The following EPC1 variants were observed in gnomAD, a reference collection of about 807,000 sequenced individuals.
EPC1 encodes enhancer of polycomb 1.
EPC1 carries 12 observed loss-of-function variants against 98.4 expected under a neutral mutation model. That is an observed-to-expected ratio of 0.12 (90% confidence interval 0.08 to 0.20). EPC1 has a LOEUF of 0.20. Among genes scored for constraint, EPC1 ranks in the 10% least tolerant of loss-of-function variants. The pLI, the probability that EPC1 is intolerant of heterozygous loss-of-function variation, is 1.00. For synonymous variants in EPC1, 357 were observed against 363.9 expected (o/e 0.98, Z 0.21); for missense variants, 729 against 990.5 (o/e 0.74, Z 3.54).
chr10:32,320,048 ATG>A (rs1202699831), intron 1 of EPC1, among the ~76,000 whole-genome samples: 3 of 152,316 alleles, frequency 2.0e-5, no homozygotes, highest in Non-Finnish European at 4.4e-5. Flanking sequence ...GGAAAAACAT[ATG>A]TGTGTACATA....
At chr10:32,324,080 C>T (rs1189643279) in intron 1 of EPC1, among the ~76,000 whole-genome samples, 1 of 151,942 alleles carries the variant, frequency 6.6e-6, no homozygotes, top group Non-Finnish European at 1.5e-5. Flanking sequence ...GGACTACAGG[C>T]GCCCGCCACC....
intron 1 of EPC1, among the ~76,000 whole-genome samples, chr10:32,341,649 A>C (rs1299584150): frequency 6.6e-6 from 1 of 152,254 alleles, no homozygotes; most frequent in Non-Finnish European, 1.5e-5. Flanking sequence ...TGGTATACTG[A>C]AACAAAAGTT....
At chr10:32,300,594 T>G (rs1262299802) in intron 2 of EPC1, among the ~76,000 whole-genome samples, 1 of 151,854 alleles carries the variant, frequency 6.6e-6, no homozygotes, top group Non-Finnish European at 1.5e-5. Context: ...CCACCATGCC[T>G]GGCTAATTTT....
chr10:32,274,838 A>G (rs1375109255), intron 10 of EPC1, among the ~76,000 whole-genome samples: 1 of 152,228 alleles, frequency 6.6e-6, no homozygotes, highest in Non-Finnish European at 1.5e-5. Context: ...AAAATCTAAA[A>G]AAGTCAATGC....
chr10:32,304,900 CAG>C lies in EPC1; in HGVS notation c.313+870_313+871del, dbSNP rs1214942423. Reference sequence around the variant, plus strand: ...CGCCATTGCACTCTAGCCTGGGCAACAGAGTGAAACTCCGTCTTAAAAAAAAA... The same window carrying C: ...CGCCATTGCACTCTAGCCTGGGCAACAGTGAAACTCCGTCTTAAAAAAAAA... On this transcript the variant is annotated intron_variant, in intron 2 of 13. Coordinates refer to ENST00000319778, the MANE Select transcript of EPC1 (RefSeq NM_001272004.3). Among the ~76,000 whole-genome samples, 9 of 116,224 alleles carry C rather than the reference CAG, an allele frequency of 7.7e-5. No individual in the cohort carries two copies. In the South Asian group the frequency reaches 1.4e-3, roughly 18 times the overall value. The allele number at this position is 116,224 out of a possible 152,430, so 76.2% of individuals were successfully genotyped here. A position where few individuals can be genotyped will look rare whatever the true frequency, so the allele number is the denominator to read the frequency against.
At chr10:32,278,369 T>C (rs1235714178) in intron 10 of EPC1, among the ~76,000 whole-genome samples, 1 of 70,440 alleles carries the variant, frequency 1.4e-5, no homozygotes, top group Non-Finnish European at 2.6e-5. Context: ...TGGTTTTTTT[T>C]TGTTTTTTTT....
intron 10 of EPC1, chr10:32,284,085 C>G (rs1391355387): frequency 6.6e-6 from 1 of 152,128 alleles, no homozygotes; most frequent in African/African-American, 2.4e-5. Context: ...ATAACACAAA[C>G]TTATGCTTTA....
At chr10:32,345,883 T>C (rs1436840254) in intron 1 of EPC1, among the ~76,000 whole-genome samples, 3 of 152,200 alleles carry the variant, frequency 2.0e-5, no homozygotes, top group African/African-American at 7.2e-5. Context: ...TCCCCCTATG[T>C]TGAGATACCA....
intron 10 of EPC1, among the ~76,000 whole-genome samples, chr10:32,277,829 C>CA (rs1836178895): frequency 6.6e-6 from 1 of 152,084 alleles, no homozygotes. Context: ...TTTGGCCTCC[C>CA]AAAGTGCTGG....
At chr10:32,270,578 A>T (rs945993810) in intron 13 of EPC1, among the ~76,000 whole-genome samples, 6 of 152,136 alleles carry the variant, frequency 3.9e-5, no homozygotes, top group Non-Finnish European at 7.4e-5. Flanking sequence ...TAATTCCAGC[A>T]CTTTGGGAGG....
intron 1 of EPC1, among the ~76,000 whole-genome samples, chr10:32,357,516 A>G (rs1394636599): frequency 6.6e-6 from 1 of 152,222 alleles, no homozygotes; most frequent in Non-Finnish European, 1.5e-5. Context: ...GCTGCAGTGC[A>G]GTTGTGCTAT....
At chr10:32,345,273 T>TA (rs1838687861) in intron 1 of EPC1, 11 of 985,334 alleles carry the variant, frequency 1.1e-5, no homozygotes, top group Non-Finnish European at 1.2e-5. Flanking sequence ...TCTGAGCTAC[T>TA]ACATACACTT....
At chr10:32,304,896 G>A (rs1282723997) in intron 2 of EPC1, among the ~76,000 whole-genome samples, 1 of 146,306 alleles carries the variant, frequency 6.8e-6, no homozygotes, top group Non-Finnish European at 1.5e-5. Flanking sequence ...TCTAGCCTGG[G>A]CAACAGAGTG....
At chr10:32,345,170 G>A (rs530016624) in intron 1 of EPC1, 1 of 981,468 alleles carries the variant, frequency 1.0e-6, no homozygotes, top group African/African-American at 1.7e-5. Context: ...ATAAACAAAT[G>A]GCCATGCTAC....
At chr10:32,315,654 TA>T (rs1357544840) in intron 1 of EPC1, among the ~76,000 whole-genome samples, 2 of 152,218 alleles carry the variant, frequency 1.3e-5, no homozygotes, top group African/African-American at 2.4e-5. Flanking sequence ...TGAGCTGAAT[TA>T]TTTTCTCTAC....
intron 1 of EPC1, among the ~76,000 whole-genome samples, chr10:32,316,729 G>A (rs1445424854): frequency 2.0e-5 from 3 of 152,152 alleles, no homozygotes; most frequent in Non-Finnish European, 2.9e-5. Flanking sequence ...GGGGGGCTGA[G>A]TTATGTAAAT....
chr10:32,347,205 C>T (rs1048593204), upstream of EPC1: 11 of 1,230,756 alleles, frequency 8.9e-6, no homozygotes, highest in Middle Eastern at 3.1e-4. Flanking sequence ...CATCGCGCAG[C>T]GGCGCGGGCA....
intron 1 of EPC1, among the ~76,000 whole-genome samples, chr10:32,310,893 A>C (rs1164968939): frequency 6.8e-6 from 1 of 148,028 alleles, no homozygotes; most frequent in Non-Finnish European, 1.5e-5. Flanking sequence ...AAAAATTCAC[A>C]TAATTACCTC....
chr10:32,376,903 G>T (rs560745261), intron 1 of EPC1, among the ~76,000 whole-genome samples: 1 of 151,788 alleles, frequency 6.6e-6, no homozygotes, highest in African/African-American at 2.4e-5. Context: ...TTACTGATTC[G>T]TCCCACTTTC....
Sources: allele counts gnomAD v4.1 joint callset (sites outside exome capture counted in the v4.1 genomes callset), GRCh38; gene constraint gnomAD v4.1.1; transcripts MANE v1.5; gene names NCBI Gene and HGNC (gene_info 2026-07-23, HGNC 2026-07-21).